Variants in RADIL observed in about 807,000 individuals in gnomAD.
The protein encoded by RADIL is ras-associating and dilute domain-containing protein.
In RADIL, 99 loss-of-function variants were observed where a neutral mutation model predicts 97.6. That is an observed-to-expected ratio of 1.01 (90% CI 0.86 to 1.20). RADIL has a LOEUF of 1.20. Among genes scored for constraint, RADIL ranks in the 50% most tolerant of loss-of-function variants. RADIL has a pLI of 0.00. For missense variants in RADIL, 1,765 were observed against 1,498.9 expected (o/e 1.18, Z -2.93); for synonymous variants, 803 against 691.8 (o/e 1.16, Z -2.52).
chr7:4,832,089 G>T lies in RADIL; in HGVS notation c.1454+52C>A, dbSNP rs1453264687. ...GACTTGGCTCCCCCGGGAAGTGTGA[G>T]CCCCCAGGACCTGCTGCCCAGAGGC... On this transcript the variant is annotated intron_variant, in intron 5 of 14. Coordinates refer to ENST00000399583, the MANE Select transcript of RADIL (RefSeq NM_018059.5). 1.5e-5 allele frequency: 24 copies of T among 1,595,634 alleles called. No individual in the cohort carries two copies. In the South Asian group the frequency reaches 2.4e-4, roughly 16 times the overall value.
In RADIL at chr7:4,822,669, A is replaced by G. The variant is rs1366639046; in HGVS notation, c.1455-115T>C. On this transcript the variant is annotated intron_variant, in intron 5 of 14. Transcript: ENST00000399583. This position sits in a 1 kb window ranked among gnomAD's most constrained non-coding sequence, Gnocchi z 5.3. The stretch of plus-strand genomic sequence containing the variant: ...TCATGGGACGCTGACAACAACTGCA[A>G]CCATCAACCTGACACTGCTGGGCGG... 8.3e-7 allele frequency: 1 copy of G among 1,208,176 alleles called. No homozygotes were observed. Among genetic ancestry groups the G allele is most frequent in the African/African-American group, 1.5e-5 (1 of 65,484 alleles). 74.8% of individuals were successfully genotyped at this position (1,208,176 alleles called of 1,614,324 possible). A position where few individuals can be genotyped will look rare whatever the true frequency, so the allele number is the denominator to read the frequency against.
At chr7:4,861,837 C>T in intron 2 of RADIL, 3 of 1,400,580 alleles carry the variant, frequency 2.1e-6, no homozygotes, top group Non-Finnish European at 1.9e-6. Context: ...CGCCAGGGCA[C>T]GTCCCCCACC....
rs184441349 is a variant in RADIL, at chr7:4,862,081, G to A, written c.535+15524C>T. ...ACCCGCCGCCAGCGCGAGGGCTCAC[G>A]GGAGCCACAGCGTTCTGGGCTGGGG... On this transcript the variant is annotated intron_variant, in intron 2 of 14. Transcript: ENST00000399583. 6.6e-4 allele frequency: 241 copies of A among 367,170 alleles called. 1 individual carries two copies. In the East Asian group the frequency reaches 9.1e-3, roughly 14 times the overall value. The allele number at this position is 367,170 out of a possible 1,614,324, so 22.7% of individuals were successfully genotyped here.
chr7:4,821,603 G>A lies in RADIL; in HGVS notation c.1615+791C>T, dbSNP rs1343584581. Among the ~76,000 whole-genome samples, 3 of 152,124 alleles carry A rather than the reference G, an allele frequency of 2.0e-5. No individual in the cohort carries two copies. Among genetic ancestry groups the A allele is most frequent in the Non-Finnish European group, 2.9e-5 (2 of 68,026 alleles). ...ATGGTGGCCAGGCACGGTGGCTCAT[G>A]CCTGTAATCCCAGCACTTTGGGAGG... On this transcript the variant is annotated intron_variant, in intron 6 of 14. Transcript: ENST00000399583. This position sits in a 1 kb window ranked among gnomAD's most constrained non-coding sequence, Gnocchi z 5.2.
intron 5 of RADIL, among the ~76,000 whole-genome samples, chr7:4,830,830 C>T (rs376469301): frequency 3.3e-5 from 5 of 151,940 alleles, no homozygotes; most frequent in Non-Finnish European, 5.9e-5. Flanking sequence ...CTGGCTAACA[C>T]GGTGAAACCC....
At chr7:4,844,753 C>T (rs1348360599) in intron 2 of RADIL, among the ~76,000 whole-genome samples, 2 of 151,954 alleles carry the variant, frequency 1.3e-5, no homozygotes, top group South Asian at 4.2e-4. Flanking sequence ...TACATGTGCA[C>T]ACCACCACGC....
Position 4,842,237 on chromosome 7 carries a change from T to C in RADIL, c.536-5632A>G, listed in dbSNP as rs1315730538. 6.6e-6 allele frequency among the ~76,000 whole-genome samples: 1 copy of C among 152,052 alleles called. No individual in the cohort carries two copies. The highest frequency in any genetic ancestry group is 1.5e-5 in the Non-Finnish European group (1 of 68,004). ...GAAGATGGGGATGGGACGGTCGTTG[T>C]TGACATCTTCTTCTACTCTCACAGC... On this transcript the variant is annotated intron_variant, in intron 2 of 14. Coordinates refer to ENST00000399583, the MANE Select transcript of RADIL (RefSeq NM_018059.5). This position sits in a 1 kb window ranked among gnomAD's most constrained non-coding sequence, Gnocchi z 4.5.
At chr7:4,875,049 G>A (rs540628582) in intron 2 of RADIL, among the ~76,000 whole-genome samples, 7 of 147,806 alleles carry the variant, frequency 4.7e-5, no homozygotes, top group African/African-American at 1.1e-4. Flanking sequence ...AAAATTAGCC[G>A]GGCGTGGTGG....
Position 4,873,889 on chromosome 7 carries a change from C to T in RADIL, c.535+3716G>A, listed in dbSNP as rs1009185393. Among the ~76,000 whole-genome samples, 1 of 152,228 alleles carries T rather than the reference C, an allele frequency of 6.6e-6. No homozygotes were observed. Among genetic ancestry groups the T allele is most frequent in the Admixed American group, 6.5e-5 (1 of 15,280 alleles). Reference sequence around the variant, plus strand: ...GTCACTCCAACCTGAGGCAGGCTGGCGCCCACGGCTGCTGGAGAAGCTGCT... The same window carrying T: ...GTCACTCCAACCTGAGGCAGGCTGGTGCCCACGGCTGCTGGAGAAGCTGCT... On this transcript the variant is annotated intron_variant, in intron 2 of 14. Transcript: ENST00000399583. This position sits in a 1 kb window ranked among gnomAD's most constrained non-coding sequence, Gnocchi z 4.3.
intron 2 of RADIL, among the ~76,000 whole-genome samples, chr7:4,868,757 G>C (rs1402252839): frequency 1.3e-5 from 2 of 152,162 alleles, no homozygotes; most frequent in African/African-American, 2.4e-5. Context: ...CTTGGTCAAA[G>C]AAAAATTTTG....
chr7:4,827,474 A>G (rs903894238), intron 5 of RADIL, among the ~76,000 whole-genome samples: 3 of 151,504 alleles, frequency 2.0e-5, no homozygotes, highest in African/African-American at 7.3e-5. Flanking sequence ...ATCCTGGCTA[A>G]CACAGTGAAA....
intron 2 of RADIL, among the ~76,000 whole-genome samples, chr7:4,844,388 T>C (rs1783520413): frequency 6.6e-6 from 1 of 151,906 alleles, no homozygotes. Flanking sequence ...GAGGTTGCAG[T>C]GAGCTGAGAT....
At chr7:4,864,969 C>T (rs1191392002) in intron 2 of RADIL, among the ~76,000 whole-genome samples, 2 of 152,220 alleles carry the variant, frequency 1.3e-5, no homozygotes, top group African/African-American at 4.8e-5. Context: ...CCCCAACTAT[C>T]TGTCTAGCCG....
At chr7:4,803,816 C>T in intron 10 of RADIL, 62 bp from the exon 11 acceptor site, 1 of 1,442,524 alleles carries the variant, frequency 6.9e-7, no homozygotes, top group Non-Finnish European at 9.5e-7. Context: ...CGCCAGGCCG[C>T]CCCGCCCAAC....
Position 4,836,479 on chromosome 7 carries a change from C to T in RADIL, c.662G>A (p.Ser221Asn), listed in dbSNP as rs770891189. Reference sequence around the variant, plus strand: ...GGCAGCGGGCAGGGCGTTCACTGGGCTCAGGCTGGTCTCACTGACTGTGCG... The same window carrying T: ...GGCAGCGGGCAGGGCGTTCACTGGGTTCAGGCTGGTCTCACTGACTGTGCG... The part of the protein sequence containing the change: ...LRRTVSETSL[S>N]PVNALPAAAQ... Residue 221 changes from serine to asparagine, a missense_variant, in exon 3 of 15, where the codon AGC becomes AAC. Physicochemically the swap from Ser to Asn is conservative, Grantham distance 46. Transcript: ENST00000399583. The T allele has an allele frequency of 6.2e-7, 1 of 1,607,242 alleles. No individual in the cohort carries two copies. The highest frequency in any genetic ancestry group is 1.1e-5 in the South Asian group (1 of 90,502).
At chr7:4,875,792 T>A (rs1431171412) in intron 2 of RADIL, among the ~76,000 whole-genome samples, 1 of 152,078 alleles carries the variant, frequency 6.6e-6, no homozygotes, top group Non-Finnish European at 1.5e-5. Flanking sequence ...TCTTTTTGAA[T>A]CAGGAGGGGA....
intron 5 of RADIL, among the ~76,000 whole-genome samples, chr7:4,831,902 C>CA (rs1161261702): frequency 1.3e-5 from 2 of 149,760 alleles, no homozygotes; most frequent in African/African-American, 4.9e-5. Context: ...CAAAAACAAA[C>CA]AAAAAAAGAA....
At chr7:4,830,402 C>T (rs1177093524) in intron 5 of RADIL, among the ~76,000 whole-genome samples, 3 of 152,182 alleles carry the variant, frequency 2.0e-5, no homozygotes, top group African/African-American at 7.2e-5. Flanking sequence ...CCAAGTGCCC[C>T]AGCAGCGTCT....
intron 5 of RADIL, among the ~76,000 whole-genome samples, chr7:4,828,355 G>A (rs532768653): frequency 9.2e-5 from 14 of 152,196 alleles, no homozygotes; most frequent in Non-Finnish European, 1.6e-4. Context: ...GCTGCTTGAA[G>A]GCTGAGGAGC....
Sources: allele counts gnomAD v4.1 joint callset (sites outside exome capture counted in the v4.1 genomes callset), GRCh38; gene constraint gnomAD v4.1.1; non-coding constraint Gnocchi (gnomAD v3.1); transcripts MANE v1.5; gene names NCBI Gene and HGNC (gene_info 2026-07-23, HGNC 2026-07-21).